CEP290: variants seen among roughly 807,000 people sequenced by gnomAD.
CEP290 encodes the protein centrosomal protein 290, also known as centrosomal protein of 290 kDa.
Under a neutral mutation model 344.9 loss-of-function variants are expected in CEP290, and 317 were observed. The ratio of observed to expected loss-of-function variants is 0.92; its 90% confidence interval spans 0.84 to 1.01. CEP290 has a LOEUF of 1.01. Ranked by LOEUF, CEP290 falls within the 50% of genes least tolerant of loss-of-function variation. The pLI is 0.00. For missense variants in CEP290, 2,754 were observed against 2,761.4 expected, an observed-to-expected ratio of 1.00 and a Z score of 0.06; for synonymous variants, 932 against 895.8, an observed-to-expected ratio of 1.04 and a Z score of -0.72.
chr12:88,116,097 G>A, intron 18 of CEP290: 1 of 983,304 alleles, frequency 1.0e-6, no homozygotes, highest in Non-Finnish European at 1.2e-6. Flanking sequence ...TATGTCTGAA[G>A]CTGTTGATAA....
chr12:88,122,979 G>C (rs2039501599), intron 13 of CEP290, among the ~76,000 whole-genome samples: 1 of 151,878 alleles, frequency 6.6e-6, no homozygotes, highest in Non-Finnish European at 1.5e-5. Context: ...TGAGAAAAAA[G>C]CAGCAACCAG....
intron 3 of CEP290, among the ~76,000 whole-genome samples, chr12:88,139,867 T>C (rs1370369608): frequency 2.0e-5 from 3 of 152,138 alleles, no homozygotes; most frequent in African/African-American, 7.2e-5. Flanking sequence ...TAGCTGGGAC[T>C]ACAGGTGCAT....
intron 13 of CEP290, among the ~76,000 whole-genome samples, chr12:88,123,281 T>G (rs2137962573): frequency 6.6e-6 from 1 of 152,252 alleles, no homozygotes; most frequent in Non-Finnish European, 1.5e-5. Flanking sequence ...GAAAAATGTT[T>G]TCTTAATCCC....
intron 18 of CEP290, among the ~76,000 whole-genome samples, chr12:88,116,352 G>T (rs1312277105): frequency 6.6e-6 from 1 of 152,182 alleles, no homozygotes; most frequent in Admixed American, 6.5e-5. Context: ...TTGCATGGAT[G>T]AAGAAAGTCT....
In CEP290 at chr12:88,106,757, T is replaced by C; in HGVS notation, c.2735A>G (p.Lys912Arg). 1 of 1,611,284 alleles carries C rather than the reference T, an allele frequency of 6.2e-7. No individual in the cohort carries two copies. Residue 912 changes from lysine to arginine, a missense_variant, in exon 25 of 54, where the codon AAA becomes AGA. Physicochemically the swap from Lys to Arg is conservative, Grantham distance 26 (BLOSUM62 2). Transcript: ENST00000552810. The stretch of plus-strand genomic sequence containing the variant: ...TTCATTCTTTTGCTTCTCATTTTCT[T>C]TTCTAAGTTGTCGCTCCAATTCTAC... ...TLVELERQLR[K>R]ENEKQKNELL...
chr12:88,120,402 A>G, intron 14 of CEP290, 126 bp from the exon 15 acceptor site: 1 of 450,926 alleles, frequency 2.2e-6, no homozygotes, highest in Non-Finnish European at 3.8e-6. Context: ...ATATCATTAC[A>G]CTGGTTTTTT....
At position 88,086,089 on chromosome 12, in the gene CEP290, TCTC is replaced by T; in HGVS notation, c.4384_4386del (p.Glu1462del). 5 of 1,613,116 alleles carry T rather than the reference TCTC, an allele frequency of 3.1e-6. No individual in the cohort carries two copies. The highest frequency in any genetic ancestry group is 4.2e-6 in the Non-Finnish European group (5 of 1,179,574). On this transcript the variant is annotated inframe_deletion, in exon 34 of 54. Coordinates refer to ENST00000552810, the MANE Select transcript of CEP290 (RefSeq NM_025114.4). ...CGTGTTTCTAGAATTATTCGAATGT[TCTC>T]CTTAATTTTCCTTAGAGCGATCTCA...
chr12:88,083,197 T>C lies in CEP290; in HGVS notation c.4846A>G (p.Thr1616Ala). The C allele has an allele frequency of 6.6e-7, 1 of 1,525,860 alleles. No individual in the cohort carries two copies. Among genetic ancestry groups the C allele is most frequent in the Non-Finnish European group, 8.8e-7 (1 of 1,140,122 alleles). 94.5% of individuals were successfully genotyped at this position (1,525,860 alleles called of 1,614,324 possible). Residue 1616 changes from threonine to alanine, a missense_variant, in exon 37 of 54, where the codon ACC becomes GCC. Physicochemically the swap from Thr to Ala is moderately conservative, Grantham distance 58 (BLOSUM62 0). Coordinates refer to ENST00000552810, the MANE Select transcript of CEP290 (RefSeq NM_025114.4). The stretch of plus-strand genomic sequence containing the variant: ...GCCAGACGAATAAAATGCTTGTTGG[T>C]AGGAACTGGAGTGGGAGACTGTTTC... ...LMKQSPTPVPTNKHFIRLAEM... is the reference protein window; with the variant it reads ...LMKQSPTPVPANKHFIRLAEM...
At chr12:88,139,773 G>C (rs2040541658) in intron 3 of CEP290, among the ~76,000 whole-genome samples, 1 of 152,142 alleles carries the variant, frequency 6.6e-6, no homozygotes, top group African/African-American at 2.4e-5. Flanking sequence ...TGTCACCCAG[G>C]CTGGAGTGCA....
chr12:88,131,220 TAAAATAGTAA>T lies in CEP290; in HGVS notation c.442-12_442-3del, dbSNP rs1175025713. 1 of 1,468,902 alleles carries T rather than the reference TAAAATAGTAA, an allele frequency of 6.8e-7. No homozygotes were observed. The highest frequency in any genetic ancestry group is 2.9e-5 in the Admixed American group (1 of 34,320). 91.0% of individuals were successfully genotyped at this position (1,468,902 alleles called of 1,614,324 possible). A position where few individuals can be genotyped will look rare whatever the true frequency, so the allele number is the denominator to read the frequency against. On this transcript the variant is annotated splice_region_variant and splice_polypyrimidine_tract_variant and intron_variant, in intron 6 of 53. Transcript: ENST00000552810. ...TGCCTCCTCATTTCGAAGAGCCAAC[TAAAATAGTAA>T]AAAAAAAAAATAAATAAGAAGAAGA...
rs1423892450 is a variant in CEP290 at position 88,059,658 on chromosome 12, T to C, written c.6645+240A>G. ...TCCTGACCTCGTGATCCACCCGCCT[T>C]GGCCTCCCAAAGTGCTGGGATTACA... On this transcript the variant is annotated intron_variant, in intron 48 of 53. Transcript: ENST00000552810. 2.0e-5 allele frequency among the ~76,000 whole-genome samples: 3 copies of C among 152,126 alleles called. No homozygotes were observed. The East Asian group carries it at 5.8e-4, about 29-fold the overall frequency.
chr12:88,128,992 T>C lies in CEP290; in HGVS notation c.896A>G (p.Asp299Gly), dbSNP rs1017259177. ...TDLLKSKNEE[D>G]DPIMVAVNAK... ...ATTGACAGCTACCATAATTGGATCA[T>C]CTTCTTCATTTTTTGATTTCAGAAG... The change falls in exon 11 of 54, where the codon GAT (aspartate) becomes GGT (glycine). Residue 299 changes from aspartate to glycine, a missense_variant. Transcript: ENST00000552810. 1.9e-6 allele frequency: 3 copies of C among 1,540,222 alleles called. No individual in the cohort carries two copies. The highest frequency in any genetic ancestry group is 2.5e-5 in the East Asian group (1 of 40,512).
chr12:88,130,965 A>T (rs1324825808), intron 7 of CEP290, among the ~76,000 whole-genome samples, 200 bp downstream of exon 7: 1 of 152,144 alleles, frequency 6.6e-6, no homozygotes, highest in Non-Finnish European at 1.5e-5. Context: ...CATAGACCTG[A>T]GATGAATGTA....
In CEP290 at chr12:88,089,126, C is replaced by T; in HGVS notation, c.3935G>A (p.Arg1312Lys). The T allele has an allele frequency of 6.3e-7, 1 of 1,592,450 alleles. No homozygotes were observed. Among genetic ancestry groups the T allele is most frequent in the Non-Finnish European group, 8.5e-7 (1 of 1,170,766 alleles). Reference protein sequence around the residue: ...QEMKNSQQEHRNMENKTLEME... With the variant: ...QEMKNSQQEHKNMENKTLEME... ...CTCCAATGTTTTGTTCTCCATATTTCTATGTTCTTGTTGAGAATTTTTCAT... is the reference window on the plus strand; with the variant it reads ...CTCCAATGTTTTGTTCTCCATATTTTTATGTTCTTGTTGAGAATTTTTCAT... The change falls in exon 31 of 54, where the codon AGA (arginine) becomes AAA (lysine). Residue 1312 changes from arginine (R) to lysine (K), a missense_variant. Arg to Lys is a conservative substitution (Grantham distance 26). Coordinates refer to ENST00000552810, the MANE Select transcript of CEP290 (RefSeq NM_025114.4).
intron 35 of CEP290, 95 bp downstream of exon 35, chr12:88,084,491 C>A: frequency 8.9e-7 from 1 of 1,119,834 alleles, no homozygotes; most frequent in Admixed American, 2.2e-5. Flanking sequence ...CATTTGAAAG[C>A]AAGAAAAGAA....
At chr12:88,134,076 C>G (rs2040226246) in intron 6 of CEP290, among the ~76,000 whole-genome samples, 1 of 152,172 alleles carries the variant, frequency 6.6e-6, no homozygotes, top group Non-Finnish European at 1.5e-5. Context: ...ATCATCTGTA[C>G]AGGGTCTCTT....
Position 88,071,372 on chromosome 12 carries a change from C to G in CEP290, c.5933G>C (p.Arg1978Pro). ...GMTVDQVLGI[R>P]ALESEKELEE... Reference sequence around the variant, plus strand: ...CAATTCTTTTTCTGACTCCAAAGCTCGTATTCCCAAAACCTGATCAACAGT... The same window carrying G: ...CAATTCTTTTTCTGACTCCAAAGCTGGTATTCCCAAAACCTGATCAACAGT... Residue 1978 changes from arginine to proline, a missense_variant, in exon 43 of 54, where the codon CGA becomes CCA. By Grantham distance (103) the Arg-to-Pro change is moderately radical (BLOSUM62 -2). Coordinates refer to ENST00000552810, the MANE Select transcript of CEP290 (RefSeq NM_025114.4). 1.2e-6 allele frequency: 2 copies of G among 1,610,920 alleles called. No individual in the cohort carries two copies. The highest frequency in any genetic ancestry group is 2.2e-5 in the South Asian group (2 of 90,688).
At chr12:88,055,327 G>C (rs191351972) in intron 50 of CEP290, among the ~76,000 whole-genome samples, 60 of 152,276 alleles carry the variant, frequency 3.9e-4, no homozygotes, top group African/African-American at 1.4e-3. Flanking sequence ...ATACCAAGAA[G>C]TGGTCATATT....
intron 20 of CEP290, among the ~76,000 whole-genome samples, 200 bp downstream of exon 20, chr12:88,114,220 G>A (rs915105276): frequency 6.6e-6 from 1 of 152,102 alleles, no homozygotes; most frequent in African/African-American, 2.4e-5. Context: ...CAGTGAACTT[G>A]AAGACAGATT....
Sources: gnomAD v4.1 joint callset for allele counts (sites outside exome capture counted in the v4.1 genomes callset) on GRCh38, gnomAD v4.1.1 for gene constraint, MANE v1.5 for transcripts, NCBI Gene and HGNC (gene_info 2026-07-23, HGNC 2026-07-21) for gene names.